PHACTR3: variants seen among roughly 807,000 people sequenced by gnomAD.
PHACTR3 encodes protein phosphatase 1, regulatory subunit 123.
Under a neutral mutation model 66.8 loss-of-function variants are expected in PHACTR3, and 16 were observed. The ratio of observed to expected loss-of-function variants is 0.24; its 90% CI spans 0.16 to 0.36. The LOEUF is 0.36. PHACTR3 is among the 10% of genes least tolerant of loss of function. PHACTR3 has a pLI of 1.00. For synonymous variants in PHACTR3, 323 were observed against 292.1 expected (o/e 1.11, Z -1.08); for missense variants, 647 against 719.9 (o/e 0.90, Z 1.16).
At chr20:59,750,652 G>C (rs565214878) in intron 3 of PHACTR3, among the ~76,000 whole-genome samples, 1 of 151,770 alleles carries the variant, frequency 6.6e-6, no homozygotes, top group South Asian at 2.1e-4. Context: ...ACGCTGCTGC[G>C]GGAGCCTGGG....
chr20:59,627,006 T>C (rs2034474616), intron 1 of PHACTR3: 1 of 152,220 alleles, frequency 6.6e-6, no homozygotes, highest in Admixed American at 6.5e-5. Context: ...TCAGCTCCCT[T>C]ATACCACCCA....
At chr20:59,789,556 T>C (rs918954106) in intron 7 of PHACTR3, among the ~76,000 whole-genome samples, 1 of 152,208 alleles carries the variant, frequency 6.6e-6, no homozygotes, top group Non-Finnish European at 1.5e-5. Flanking sequence ...AAAATGGACC[T>C]GCAGTTATTA....
chr20:59,687,634 C>A (rs769752980), intron 1 of PHACTR3, among the ~76,000 whole-genome samples: 1 of 151,986 alleles, frequency 6.6e-6, no homozygotes, highest in African/African-American at 2.4e-5. Flanking sequence ...AAATAGGACC[C>A]ATTTAAAAAT....
intron 8 of PHACTR3, among the ~76,000 whole-genome samples, chr20:59,811,948 C>T (rs141800135): frequency 0.013 from 1,934 of 152,350 alleles, 37 homozygotes; most frequent in African/African-American, 0.044. Context: ...AGCACATTCT[C>T]AGCAGGGGGT....
At chr20:59,815,301 G>A (rs1411385756) in intron 8 of PHACTR3, among the ~76,000 whole-genome samples, 1 of 152,044 alleles carries the variant, frequency 6.6e-6, no homozygotes, top group Non-Finnish European at 1.5e-5. Flanking sequence ...ATGCAGAGAC[G>A]AACAAGGAAC....
At chr20:59,805,480 T>C (rs1012450724) in intron 7 of PHACTR3, among the ~76,000 whole-genome samples, 1 of 152,158 alleles carries the variant, frequency 6.6e-6, no homozygotes. Flanking sequence ...GTGGTGGTGA[T>C]TGAAGGCTCA....
chr20:59,650,372 ATTGT>A (rs141618795), intron 1 of PHACTR3, among the ~76,000 whole-genome samples: 3,755 of 152,236 alleles, frequency 0.025, 60 homozygotes, highest in Middle Eastern at 0.058. Flanking sequence ...CATTATATTG[ATTGT>A]TCTCGTTGGG....
intron 1 of PHACTR3, among the ~76,000 whole-genome samples, chr20:59,618,103 C>G (rs1285536396): frequency 6.6e-6 from 1 of 152,182 alleles, no homozygotes; most frequent in African/African-American, 2.4e-5. Flanking sequence ...TTCGAATTAA[C>G]TAGCCCAGCA....
intron 1 of PHACTR3, among the ~76,000 whole-genome samples, chr20:59,585,846 A>C (rs866065876): frequency 3.3e-5 from 5 of 152,230 alleles, no homozygotes; most frequent in African/African-American, 1.2e-4. Context: ...GCCATTTAGC[A>C]AAAAGAATCT....
chr20:59,846,993 T>G, intron 12 of PHACTR3, 122 bp from the exon 13 acceptor site: 2 of 657,370 alleles, frequency 3.0e-6, no homozygotes, highest in Non-Finnish European at 5.4e-6. Context: ...TCCTCATGTT[T>G]TACATATGGG....
At chr20:59,833,199 A>T (rs1209024077) in intron 8 of PHACTR3, among the ~76,000 whole-genome samples, 1 of 152,088 alleles carries the variant, frequency 6.6e-6, no homozygotes, top group Non-Finnish European at 1.5e-5. Context: ...CATATTCTAG[A>T]CCATTCAGGG....
intron 1 of PHACTR3, among the ~76,000 whole-genome samples, chr20:59,730,704 G>A (rs1279144687): frequency 6.6e-6 from 1 of 152,124 alleles, no homozygotes; most frequent in Non-Finnish European, 1.5e-5. Context: ...TTTCTTAAAG[G>A]ATCACTTAAG....
chr20:59,615,171 T>C (rs1278030988), intron 1 of PHACTR3, among the ~76,000 whole-genome samples: 1 of 151,942 alleles, frequency 6.6e-6, no homozygotes, highest in Non-Finnish European at 1.5e-5. Context: ...GACTTGAAAA[T>C]AGTAATAATG....
At position 59,774,509 on chromosome 20, in the gene PHACTR3, A is replaced by C; in HGVS notation, c.1174+19A>C. 3 of 1,610,018 alleles carry C rather than the reference A, an allele frequency of 1.9e-6. No homozygotes were observed. Among genetic ancestry groups the C allele is most frequent in the Non-Finnish European group, 2.5e-6 (3 of 1,178,040 alleles). ...ATTTCTGGTGAGGAAAGGATGGCCCATTAAGTGTGGGGATCTCGGCCAGAG... is the reference window on the plus strand; with the variant it reads ...ATTTCTGGTGAGGAAAGGATGGCCCCTTAAGTGTGGGGATCTCGGCCAGAG... On this transcript the variant is annotated intron_variant, in intron 7 of 12. Coordinates refer to ENST00000371015, the MANE Select transcript of PHACTR3 (RefSeq NM_080672.5).
chr20:59,830,815 G>A lies in PHACTR3; in HGVS notation c.1329-5690G>A, dbSNP rs368021659. On this transcript the variant is annotated intron_variant, in intron 8 of 12. Coordinates refer to ENST00000371015, the MANE Select transcript of PHACTR3 (RefSeq NM_080672.5). The surrounding 1 kb of genome is among the most constrained non-coding windows in gnomAD (Gnocchi z 5.8). ...AGGGAGGGCGTGACGCCATCACCCA[G>A]CTGGCAGGGGTCAGAGCTGGAACTG... Among the ~76,000 whole-genome samples, 1 of 152,186 alleles carries A rather than the reference G, an allele frequency of 6.6e-6. No homozygotes were observed. The highest frequency in any genetic ancestry group is 2.4e-5 in the African/African-American group (1 of 41,434).
intron 1 of PHACTR3, among the ~76,000 whole-genome samples, chr20:59,607,197 C>G (rs901200422): frequency 1.3e-5 from 2 of 152,152 alleles, no homozygotes; most frequent in Non-Finnish European, 2.9e-5. Context: ...TTTAAGAATT[C>G]TTTTTCCAAT....
intron 8 of PHACTR3, among the ~76,000 whole-genome samples, chr20:59,827,321 C>T (rs79271901): frequency 0.064 from 9,668 of 152,206 alleles, 626 homozygotes; most frequent in African/African-American, 0.17. Context: ...CTCCCCACCA[C>T]CACTGGGGCT....
intron 10 of PHACTR3, 111 bp from the exon 11 acceptor site, chr20:59,841,284 C>T: frequency 9.0e-7 from 1 of 1,113,796 alleles, no homozygotes; most frequent in Non-Finnish European, 1.3e-6. Flanking sequence ...TTTCCAGTTT[C>T]AGGTTTTTTT....
At chr20:59,827,680 G>T (rs2145450074) in intron 8 of PHACTR3, among the ~76,000 whole-genome samples, 1 of 152,216 alleles carries the variant, frequency 6.6e-6, no homozygotes, top group Middle Eastern at 3.4e-3. Flanking sequence ...TTTCTGTGCT[G>T]CCCTGGGAGG....
Sources: gnomAD v4.1 joint callset for allele counts (sites outside exome capture counted in the v4.1 genomes callset) on GRCh38, gnomAD v4.1.1 for gene constraint, Gnocchi (gnomAD v3.1) non-coding constraint, MANE v1.5 for transcripts, NCBI Gene and HGNC (gene_info 2026-07-23, HGNC 2026-07-21) for gene names.